Variants in TMCO1 observed in about 807,000 individuals in gnomAD.
TMCO1 encodes transmembrane and coiled-coil domains 1, also known as calcium load-activated calcium channel.
Under a neutral mutation model 29.3 loss-of-function variants are expected in TMCO1, and 29 were observed. The observed-to-expected ratio is 0.99, with a 90% CI of 0.74 to 1.35. TMCO1 has a LOEUF of 1.35. Ranked by LOEUF, TMCO1 falls within the 40% of genes most tolerant of loss-of-function variation. The probability of loss-of-function intolerance (pLI) is 0.00; values close to 1 mark genes in which losing one functional copy is unlikely to be tolerated. For synonymous variants in TMCO1, 80 were observed against 77.1 expected (o/e 1.04, Z -0.20); for missense variants, 173 against 225.5 (o/e 0.77, Z 1.49).
At chr1:165,742,773 AATAACCT>A (rs1275473140) in intron 6 of TMCO1, among the ~76,000 whole-genome samples, 1 of 152,234 alleles carries the variant, frequency 6.6e-6, no homozygotes, top group Non-Finnish European at 1.5e-5. Flanking sequence ...CTCAACTGTG[AATAACCT>A]AAAATTACCA....
At chr1:165,742,475 C>G (rs1651634313) in intron 6 of TMCO1, among the ~76,000 whole-genome samples, 1 of 152,162 alleles carries the variant, frequency 6.6e-6, no homozygotes, top group East Asian at 1.9e-4. Flanking sequence ...GTTGCCTAGG[C>G]TGGTCTCAAA....
rs1651871883 is a variant in TMCO1, at chr1:165,748,211, C to T, written c.323+3891G>A. Among the ~76,000 whole-genome samples the T allele has an allele frequency of 2.6e-5, 4 of 151,758 alleles. No homozygotes were observed. The South Asian group carries it at 8.3e-4, about 32-fold the overall frequency. ...ACATATATAAAAAGTTCACTACAGT[C>T]CCCAACATGGGTTACTATTTAATCA... is the stretch of plus-strand genomic sequence containing the variant. On this transcript the variant is annotated intron_variant, in intron 5 of 6. Transcript: ENST00000367881.
intron 6 of TMCO1, among the ~76,000 whole-genome samples, chr1:165,733,109 C>T (rs12723198): frequency 0.56 from 84,908 of 151,942 alleles, 23,994 homozygotes; most frequent in South Asian, 0.72. Flanking sequence ...ACATCATTAT[C>T]CTTGCATGTA....
At chr1:165,725,022 CTCTATATATATA>C (rs1338630404), downstream of TMCO1, 62 of 99,610 alleles carry the variant, frequency 6.2e-4, no homozygotes, top group African/African-American at 1.9e-3. Flanking sequence ...CTCTCTCTCT[CTCTATATATATA>C]TATATATATA....
At chr1:165,754,993 G>GAAAACA (rs1026605450) in intron 3 of TMCO1, 9 of 152,100 alleles carry the variant, frequency 5.9e-5, no homozygotes, top group South Asian at 2.1e-4. Flanking sequence ...GACTCTGTCT[G>GAAAACA]AAAACAAAAA....
At chr1:165,724,535 A>G (rs1488281626), downstream of TMCO1, 1 of 454,036 alleles carries the variant, frequency 2.2e-6, no homozygotes, top group East Asian at 6.9e-5. Context: ...GGAATTTGTT[A>G]GAGATGCAAA....
intron 2 of TMCO1, among the ~76,000 whole-genome samples, chr1:165,763,633 T>G (rs977250861): frequency 7.2e-5 from 11 of 152,202 alleles, no homozygotes; most frequent in Non-Finnish European, 1.5e-4. Context: ...TTCATTTTTG[T>G]TAGAGATTGG....
Position 165,759,603 on chromosome 1 carries a change from C to T in TMCO1, c.149-19G>A. On this transcript the variant is annotated intron_variant, in intron 2 of 6. Transcript: ENST00000367881. The stretch of plus-strand genomic sequence containing the variant: ...TTTTCCACTGTAAACAACATAGTAA[C>T]ACAGTAAAAATTAACTGGATTATAC... The T allele has an allele frequency of 6.2e-7, 1 of 1,605,358 alleles. No individual in the cohort carries two copies. The highest frequency in any genetic ancestry group is 8.5e-7 in the Non-Finnish European group (1 of 1,172,802).
intron 2 of TMCO1, among the ~76,000 whole-genome samples, chr1:165,763,962 A>T (rs1303738844): frequency 6.6e-6 from 1 of 152,268 alleles, no homozygotes; most frequent in Non-Finnish European, 1.5e-5. Flanking sequence ...TGTACAGTAA[A>T]GGAGACTTTT....
intron 1 of TMCO1, 179 bp from the exon 2 acceptor site, chr1:165,768,448 A>G: frequency 6.6e-7 from 1 of 1,522,276 alleles, no homozygotes; most frequent in Non-Finnish European, 8.8e-7. Context: ...ACATGATGTG[A>G]AGGTGTCTCC....
chr1:165,763,493 G>A (rs192564259), intron 2 of TMCO1, among the ~76,000 whole-genome samples: 1 of 152,206 alleles, frequency 6.6e-6, no homozygotes, highest in East Asian at 1.9e-4. Context: ...GAGGACCTAA[G>A]ACCACAAGAA....
At chr1:165,736,864 C>T (rs981390121) in intron 6 of TMCO1, among the ~76,000 whole-genome samples, 3 of 152,118 alleles carry the variant, frequency 2.0e-5, no homozygotes, top group Non-Finnish European at 2.9e-5. Flanking sequence ...TGCAAAGGCG[C>T]GATCACAGCT....
chr1:165,752,198 T>A, intron 4 of TMCO1, 29 bp from the exon 5 acceptor site: 1 of 1,580,036 alleles, frequency 6.3e-7, no homozygotes, highest in Non-Finnish European at 8.7e-7. Flanking sequence ...ATTGTCATTT[T>A]ACACTAAAAA....
chr1:165,726,710 T>G, downstream of TMCO1: 1 of 454,154 alleles, frequency 2.2e-6, no homozygotes, highest in South Asian at 1.6e-5. Context: ...TGTTGACCAT[T>G]GTTTCTTGTA....
At chr1:165,725,047 TAAA>T, downstream of TMCO1, 1 of 239,888 alleles carries the variant, frequency 4.2e-6, no homozygotes, top group Non-Finnish European at 7.9e-6. Flanking sequence ...TATATATATA[TAAA>T]ATAGTGTATA....
At chr1:165,737,272 C>A (rs1448202808) in intron 6 of TMCO1, among the ~76,000 whole-genome samples, 1 of 151,610 alleles carries the variant, frequency 6.6e-6, no homozygotes, top group Non-Finnish European at 1.5e-5. Flanking sequence ...AGGGTTAACA[C>A]AGATTAGAGG....
chr1:165,739,646 C>T (rs879457149), intron 6 of TMCO1, among the ~76,000 whole-genome samples: 3 of 152,068 alleles, frequency 2.0e-5, no homozygotes, highest in Non-Finnish European at 2.9e-5. Context: ...GCCTTGGCCT[C>T]CCAAAGTGCT....
chr1:165,726,142 T>C (rs1650880526), downstream of TMCO1: 6 of 695,256 alleles, frequency 8.6e-6, no homozygotes, highest in Non-Finnish European at 1.6e-5. Context: ...ATTATTGTTA[T>C]CATGGGCATC....
At chr1:165,753,472 C>CAAA (rs35980344) in intron 4 of TMCO1, among the ~76,000 whole-genome samples, 140 of 47,476 alleles carry the variant, frequency 2.9e-3, no homozygotes, top group East Asian at 4.8e-3. Flanking sequence ...GACTCTGTCT[C>CAAA]AAAAAAAAAA....
Sources: allele counts gnomAD v4.1 joint callset (sites outside exome capture counted in the v4.1 genomes callset), GRCh38; gene constraint gnomAD v4.1.1; transcripts MANE v1.5; gene names NCBI Gene and HGNC (gene_info 2026-07-23, HGNC 2026-07-21).